PRTFDC1: variants seen among roughly 807,000 people sequenced by gnomAD.
PRTFDC1 encodes phosphoribosyl transferase domain containing 1.
Under a neutral mutation model 34.6 loss-of-function variants are expected in PRTFDC1, and 38 were observed. The ratio of observed to expected loss-of-function variants is 1.10; its 90% CI spans 0.85 to 1.44. The LOEUF (loss-of-function observed/expected upper bound fraction) is 1.44, where lower values mean the gene tolerates loss of function less well. Ranked by LOEUF, PRTFDC1 falls within the 40% of genes most tolerant of loss-of-function variation. The pLI, the probability that PRTFDC1 is intolerant of heterozygous loss-of-function variation, is 0.00. For synonymous variants in PRTFDC1, 93 were observed against 98.1 expected (o/e 0.95, Z 0.31); for missense variants, 270 against 283.0 (o/e 0.95, Z 0.33).
At chr10:24,941,836 C>CA (rs1446333892) in intron 2 of PRTFDC1, among the ~76,000 whole-genome samples, 4 of 151,986 alleles carry the variant, frequency 2.6e-5, no homozygotes, top group South Asian at 4.2e-4. Flanking sequence ...TCCCTTTGCA[C>CA]AAAAAAAGGT....
At chr10:24,857,942 C>T (rs926997349) in intron 5 of PRTFDC1, among the ~76,000 whole-genome samples, 5 of 152,026 alleles carry the variant, frequency 3.3e-5, no homozygotes, top group Admixed American at 6.6e-5. Context: ...CCCCATAGCT[C>T]GTCATTTTTA....
rs112816539 is a variant in PRTFDC1 at position 24,852,187 on chromosome 10, CT to C, written c.554-724del. 2.1e-3 allele frequency among the ~76,000 whole-genome samples: 310 copies of C among 147,448 alleles called. 1 individual carries two copies. The highest frequency in any genetic ancestry group is 5.4e-3 in the African/African-American group (220 of 40,400). On this transcript the variant is annotated intron_variant, in intron 7 of 8. Coordinates refer to ENST00000320152, the MANE Select transcript of PRTFDC1 (RefSeq NM_020200.7). ...TGATGATTTTTTGTCAGAAAGGATT[CT>C]TTTTTTTTTTCTGAGACCGAGTCTC...
At chr10:24,936,263 G>A (rs1267545189) in intron 3 of PRTFDC1, among the ~76,000 whole-genome samples, 1 of 152,012 alleles carries the variant, frequency 6.6e-6, no homozygotes, top group African/African-American at 2.4e-5. Flanking sequence ...ATAGAGGGAG[G>A]AGGAGGGAGA....
At chr10:24,933,353 A>G (rs1214896817) in intron 3 of PRTFDC1, among the ~76,000 whole-genome samples, 1 of 152,144 alleles carries the variant, frequency 6.6e-6, no homozygotes, top group Non-Finnish European at 1.5e-5. Flanking sequence ...ATATCTAATA[A>G]AAAATTCATG....
intron 3 of PRTFDC1, among the ~76,000 whole-genome samples, chr10:24,906,791 G>A (rs1410418984): frequency 1.3e-5 from 2 of 152,244 alleles, no homozygotes; most frequent in Non-Finnish European, 2.9e-5. Context: ...GAGCTGGCTT[G>A]AGGGCTCTGA....
intron 3 of PRTFDC1, among the ~76,000 whole-genome samples, chr10:24,926,824 G>A (rs1356234891): frequency 1.3e-5 from 2 of 152,164 alleles, no homozygotes; most frequent in Non-Finnish European, 1.5e-5. Flanking sequence ...TCTGTCCCCA[G>A]AGTGATCTCT....
intron 3 of PRTFDC1, among the ~76,000 whole-genome samples, chr10:24,936,325 G>C (rs932179539): frequency 6.6e-6 from 1 of 151,892 alleles, no homozygotes; most frequent in African/African-American, 2.4e-5. Context: ...TGTCATCCAG[G>C]CTGGAGTGCA....
chr10:24,880,554 C>T (rs1848049108), intron 3 of PRTFDC1, among the ~76,000 whole-genome samples: 2 of 152,216 alleles, frequency 1.3e-5, no homozygotes, highest in African/African-American at 4.8e-5. Flanking sequence ...ATTCACACAG[C>T]AGATAACACA....
At position 24,856,630 on chromosome 10, in the gene PRTFDC1, C is replaced by T. The variant is rs370293864; in HGVS notation, c.506+283G>A. On this transcript the variant is annotated intron_variant, in intron 6 of 8. Coordinates refer to ENST00000320152, the MANE Select transcript of PRTFDC1 (RefSeq NM_020200.7). ...CAAAGAACAAAAAAAATGAAGGGAG[C>T]GGAGCAATTGCACGGGGGCTCATCC... Among the ~76,000 whole-genome samples, 6 of 152,140 alleles carry T rather than the reference C, an allele frequency of 3.9e-5. No individual in the cohort carries two copies. The East Asian group carries it at 5.8e-4, about 15-fold the overall frequency.
At chr10:24,927,183 G>A (rs964557302) in intron 3 of PRTFDC1, among the ~76,000 whole-genome samples, 2 of 152,092 alleles carry the variant, frequency 1.3e-5, no homozygotes, top group African/African-American at 4.8e-5. Flanking sequence ...TTTGTTTCAT[G>A]CCAAGTTTCT....
At chr10:24,896,280 A>T (rs1848361950) in intron 3 of PRTFDC1, among the ~76,000 whole-genome samples, 1 of 152,224 alleles carries the variant, frequency 6.6e-6, no homozygotes, top group African/African-American at 2.4e-5. Context: ...CGAACTGTGC[A>T]TGCGAGGGAT....
chr10:24,880,280 T>TG (rs1848044616), intron 3 of PRTFDC1, among the ~76,000 whole-genome samples: 1 of 150,450 alleles, frequency 6.6e-6, no homozygotes, highest in Non-Finnish European at 1.5e-5. Flanking sequence ...TGAGACAGAG[T>TG]CTTGCACTAT....
intron 3 of PRTFDC1, among the ~76,000 whole-genome samples, chr10:24,877,768 G>A (rs535413730): frequency 6.6e-6 from 1 of 152,154 alleles, no homozygotes; most frequent in East Asian, 2.0e-4. Flanking sequence ...TTACAGGTAT[G>A]TGCCACCATG....
chr10:24,888,945 T>C (rs1296008090), intron 3 of PRTFDC1, among the ~76,000 whole-genome samples: 1 of 152,144 alleles, frequency 6.6e-6, no homozygotes, highest in African/African-American at 2.4e-5. Context: ...GCAAACTCAT[T>C]TGATTTCTCA....
At chr10:24,926,032 A>G (rs575879066) in intron 3 of PRTFDC1, among the ~76,000 whole-genome samples, 49 of 152,236 alleles carry the variant, frequency 3.2e-4, no homozygotes, top group African/African-American at 1.1e-3. Context: ...ACTCCTGCAG[A>G]ACTAGAGGGC....
At chr10:24,886,437 C>T (rs1052377390) in intron 3 of PRTFDC1, among the ~76,000 whole-genome samples, 4 of 152,148 alleles carry the variant, frequency 2.6e-5, no homozygotes, top group African/African-American at 9.7e-5. Context: ...ACATACGACC[C>T]CATCTTGCTC....
intron 3 of PRTFDC1, among the ~76,000 whole-genome samples, chr10:24,918,001 TA>T (rs953004430): frequency 6.6e-6 from 1 of 152,176 alleles, no homozygotes; most frequent in Non-Finnish European, 1.5e-5. Context: ...TCTGAAAAAT[TA>T]ATCTTCAGTT....
At chr10:24,862,117 T>C (rs968259007) in intron 4 of PRTFDC1, among the ~76,000 whole-genome samples, 1 of 152,192 alleles carries the variant, frequency 6.6e-6, no homozygotes, top group Non-Finnish European at 1.5e-5. Flanking sequence ...TTAAAGTATA[T>C]AAAATTTTTA....
At chr10:24,885,824 C>G (rs1848155769) in intron 3 of PRTFDC1, among the ~76,000 whole-genome samples, 1 of 152,126 alleles carries the variant, frequency 6.6e-6, no homozygotes, top group African/African-American at 2.4e-5. Flanking sequence ...CAAATAAGAG[C>G]TATCAAGCCA....
Sources: gnomAD v4.1 joint callset for allele counts (sites outside exome capture counted in the v4.1 genomes callset) on GRCh38, gnomAD v4.1.1 for gene constraint, MANE v1.5 for transcripts, NCBI Gene and HGNC (gene_info 2026-07-23, HGNC 2026-07-21) for gene names.